The following CRYAB variants were observed in gnomAD, a reference collection of about 807,000 sequenced individuals.
CRYAB encodes the protein crystallin alpha B.
Under a neutral mutation model 12.7 loss-of-function variants are expected in CRYAB, and 9 were observed. The observed-to-expected ratio is 0.71, with a 90% confidence interval of 0.43 to 1.24. CRYAB has a LOEUF of 1.24. Ranked by LOEUF, CRYAB falls within the 50% of genes most tolerant of loss-of-function variation. The pLI, the probability that CRYAB is intolerant of heterozygous loss-of-function variation, is 0.00. For missense variants in CRYAB, 183 were observed against 226.6 expected (o/e 0.81, Z 1.24); for synonymous variants, 93 against 86.8 (o/e 1.07, Z -0.40).
upstream of CRYAB, chr11:111,913,023 C>T (rs1965519448): frequency 7.0e-6 from 6 of 856,008 alleles, no homozygotes; most frequent in Non-Finnish European, 1.1e-5. Context: ...CTGGGCTTAA[C>T]TGATCTCCTG....
At chr11:111,920,119 C>T (rs1302861944) in intron 1 of CRYAB, among the ~76,000 whole-genome samples, 2 of 152,000 alleles carry the variant, frequency 1.3e-5, no homozygotes, top group Admixed American at 6.6e-5. Context: ...CCCTTGAACC[C>T]AGGAGACGGA....
rs1334674429 is a variant in CRYAB, at chr11:111,911,647, C to G, written c.78G>C (p.Gln26His). The G allele has an allele frequency of 1.2e-6, 2 of 1,611,122 alleles. No individual in the cohort carries two copies. The highest frequency in any genetic ancestry group is 1.1e-5 in the South Asian group (1 of 90,322). Residue 26 changes from glutamine (Q) to histidine (H), a missense_variant, in exon 1 of 3, where the codon CAG (glutamine) becomes CAC (histidine). By Grantham distance (24) the Gln-to-His change is conservative. Coordinates refer to ENST00000650687, the MANE Select transcript of CRYAB (RefSeq NM_001289808.2). ...PFHSPSRLFDQFFGEHLLESD... is the reference protein window; with the variant it reads ...PFHSPSRLFDHFFGEHLLESD... ...ACTCCAACAGGTGCTCTCCGAAGAA[C>G]TGGTCAAAGAGGCGGCTGGGGGAGT...
intron 2 of CRYAB, 157 bp downstream of exon 2, chr11:111,910,170 C>G (rs1343039748): frequency 3.4e-6 from 3 of 881,162 alleles, no homozygotes; most frequent in Non-Finnish European, 5.5e-6. Context: ...TATGTCTATC[C>G]TAACTTAGTC....
intron 1 of CRYAB, among the ~76,000 whole-genome samples, chr11:111,919,796 C>G (rs782166640): frequency 9.9e-5 from 15 of 152,116 alleles, no homozygotes; most frequent in Non-Finnish European, 2.1e-4. Flanking sequence ...GCAAGTAAAC[C>G]AAGATTCCAA....
upstream of CRYAB, chr11:111,912,330 C>T (rs1378595146): frequency 2.6e-5 from 5 of 191,622 alleles, no homozygotes; most frequent in South Asian, 3.2e-4. Context: ...GGCAGAAAGA[C>T]CCCACCCCCT....
At chr11:111,914,009 C>A, upstream of CRYAB, 2 of 933,108 alleles carry the variant, frequency 2.1e-6, no homozygotes, top group South Asian at 3.4e-5. Context: ...GGTGCATGGT[C>A]CACAATGTAT....
chr11:111,912,834 C>T (rs782358064), upstream of CRYAB: 2 of 1,601,186 alleles, frequency 1.2e-6, no homozygotes, highest in South Asian at 2.3e-5. Context: ...GCAGCCATGT[C>T]GGGCCGCTCA....
chr11:111,918,929 C>T (rs587601561), intron 1 of CRYAB: 2 of 1,612,072 alleles, frequency 1.2e-6, no homozygotes, highest in Admixed American at 1.7e-5. Flanking sequence ...GCACAAGCCT[C>T]TTGATGCATA....
upstream of CRYAB, chr11:111,913,478 C>A (rs1555165849): frequency 1.9e-6 from 3 of 1,612,536 alleles, no homozygotes; most frequent in Admixed American, 5.0e-5. Flanking sequence ...CCACACTCTA[C>A]CATGGCTACT....
At chr11:111,910,290 A>T (rs782247720) in intron 2 of CRYAB, 37 bp downstream of exon 2, 9 of 1,613,630 alleles carry the variant, frequency 5.6e-6, no homozygotes, top group Non-Finnish European at 7.6e-6. Flanking sequence ...GTATGCACTG[A>T]ATGAATGAGC....
intron 1 of CRYAB, among the ~76,000 whole-genome samples, chr11:111,920,134 G>A (rs1965667302): frequency 6.6e-6 from 1 of 152,088 alleles, no homozygotes; most frequent in South Asian, 2.1e-4. Context: ...GACGGAGCTT[G>A]CAGTGAGCCG....
rs1359865460 is a variant in CRYAB at position 111,911,598 on chromosome 11, A to C, written c.127T>G (p.Ser43Ala). The C allele has an allele frequency of 1.2e-6, 2 of 1,613,274 alleles. No individual in the cohort carries two copies. Among genetic ancestry groups the C allele is most frequent in the African/African-American group, 2.7e-5 (2 of 74,898 alleles). The part of the protein sequence containing the change: ...LESDLFPTST[S>A]LSPFYLRPPS... ...GGCCGAAGGTAGAAGGGACTCAGGG[A>C]AGTAGACGTCGGGAAAAGATCAGAC... is the stretch of plus-strand genomic sequence containing the variant. Residue 43 changes from serine to alanine, a missense_variant, in exon 1 of 3, where the codon TCC (serine) becomes GCC (alanine). This residue lies in a region of CRYAB where 86 missense variants were observed against 96.1 expected (regional missense o/e 0.89). Coordinates refer to ENST00000650687, the MANE Select transcript of CRYAB (RefSeq NM_001289808.2).
chr11:111,914,515 T>C (rs1262867070), upstream of CRYAB, among the ~76,000 whole-genome samples: 1 of 152,172 alleles, frequency 6.6e-6, no homozygotes, highest in East Asian at 1.9e-4. Flanking sequence ...TCTGTCCACT[T>C]AAATGGTCAC....
At chr11:111,912,705 A>G, upstream of CRYAB, 3 of 367,248 alleles carry the variant, frequency 8.2e-6, no homozygotes, top group Non-Finnish European at 1.5e-5. Context: ...GCTCGGCACT[A>G]TTTTGGGTGG....
chr11:111,922,538 A>G (rs770249645), intron 1 of CRYAB, among the ~76,000 whole-genome samples: 2 of 152,210 alleles, frequency 1.3e-5, no homozygotes, highest in African/African-American at 2.4e-5. Context: ...GTATTTCCAT[A>G]TATTTTTTAA....
chr11:111,912,721 AC>A, upstream of CRYAB: 1 of 474,696 alleles, frequency 2.1e-6, no homozygotes. Flanking sequence ...GGTGGTGTCG[AC>A]CCCGCCCCCA....
upstream of CRYAB, chr11:111,912,674 C>CA: frequency 1.1e-5 from 6 of 569,006 alleles, no homozygotes; most frequent in Non-Finnish European, 1.6e-5. Context: ...CCCCCACTCC[C>CA]AGCCCCTCCC....
At position 111,908,810 on chromosome 11, in the gene CRYAB, A is replaced by G. The variant is rs1592506005; in HGVS notation, c.482T>C (p.Ile161Thr). The change falls in exon 3 of 3, where the codon ATC (isoleucine) becomes ACC (threonine). Residue 161 changes from isoleucine (I) to threonine (T), a missense_variant. Around this residue, in one of 3 missense-constraint regions of CRYAB, gnomAD observed 95 missense variants for 112.5 expected, o/e 0.84. Transcript: ENST00000650687. ...QVSGPERTIP[I>T]TREEKPAVTA... ...GACAGCAGGCTTCTCTTCACGGGTG[A>G]TGGGAATGGTGCGCTCAGGGCCAGA... 9.9e-6 allele frequency: 16 copies of G among 1,613,546 alleles called. No homozygotes were observed. Among genetic ancestry groups the G allele is most frequent in the Non-Finnish European group, 1.3e-5 (15 of 1,180,024 alleles).
chr11:111,913,489 A>T (rs782583689), upstream of CRYAB: 1 of 1,613,018 alleles, frequency 6.2e-7, no homozygotes, highest in Non-Finnish European at 8.5e-7. Flanking sequence ...CATGGCTACT[A>T]TGTCCGGCCT....
Sources: gnomAD v4.1 joint callset for allele counts (sites outside exome capture counted in the v4.1 genomes callset) on GRCh38, gnomAD v4.1.1 for gene constraint, gnomAD v4.1.1 regional missense constraint, MANE v1.5 for transcripts, NCBI Gene and HGNC (gene_info 2026-07-23, HGNC 2026-07-21) for gene names.